The following DCX variants were observed in gnomAD, a reference collection of about 807,000 sequenced individuals.
DCX encodes the protein doublecortin.
DCX carries 4 observed loss-of-function variants against 20.9 expected under a neutral mutation model. The observed-to-expected ratio is 0.19, with a 90% CI of 0.09 to 0.44. The LOEUF (loss-of-function observed/expected upper bound fraction) is 0.44. DCX is among the 20% of genes least tolerant of loss of function. The pLI, the probability that DCX is intolerant of heterozygous loss-of-function variation, is 0.99. For synonymous variants in DCX, 103 were observed against 111.4 expected, an observed-to-expected ratio of 0.92 and a Z score of 0.47; for missense variants, 133 against 296.9, an observed-to-expected ratio of 0.45 and a Z score of 4.06.
intron 3 of DCX, among the ~76,000 whole-genome samples, chrX:111,372,339 A>G (rs1005722132): frequency 1.8e-5 from 2 of 111,943 alleles, no homozygotes; most frequent in African/African-American, 6.5e-5. Context: ...TGGTTACATC[A>G]TCGGCATCAG....
At chrX:111,373,580 G>C (rs1427972478) in intron 3 of DCX, among the ~76,000 whole-genome samples, 1 of 111,619 alleles carries the variant, frequency 9.0e-6, no homozygotes, top group Non-Finnish European at 1.9e-5. Context: ...GTGGTTCTGG[G>C]ACACATCTGT....
chrX:111,387,288 G>T (rs911598246), intron 3 of DCX, among the ~76,000 whole-genome samples: 2 of 111,688 alleles, frequency 1.8e-5, no homozygotes, highest in Non-Finnish European at 3.8e-5. Flanking sequence ...GCTTTAAAAT[G>T]TAATATTAAT....
chrX:111,316,076 T>TAATAAAA (rs1569486363), intron 5 of DCX, among the ~76,000 whole-genome samples: 2 of 38,416 alleles, frequency 5.2e-5, no homozygotes, highest in Admixed American at 2.6e-4. Flanking sequence ...ACTTAGAGTA[T>TAATAAAA]AATAAAAAAT....
At chrX:111,364,729 T>G in intron 3 of DCX, among the ~76,000 whole-genome samples, 1 of 111,745 alleles carries the variant, frequency 8.9e-6, no homozygotes. Flanking sequence ...AATGAGATAG[T>G]TTATATTTTG....
chrX:111,401,398 T>C, intron 2 of DCX, 68 bp from the exon 3 acceptor site: 4 of 932,980 alleles, frequency 4.3e-6, no homozygotes, highest in Non-Finnish European at 6.2e-6. Flanking sequence ...CTAACCAAAC[T>C]AATACACACT....
At chrX:111,396,296 C>A (rs1166960296) in intron 3 of DCX, among the ~76,000 whole-genome samples, 2 of 111,976 alleles carry the variant, frequency 1.8e-5, no homozygotes, top group Non-Finnish European at 3.8e-5. Flanking sequence ...AAGGTACAGA[C>A]AAAAACATAA....
chrX:111,344,212 T>C (rs1051923375), intron 3 of DCX, among the ~76,000 whole-genome samples: 3 of 112,086 alleles, frequency 2.7e-5, no homozygotes, highest in African/African-American at 9.7e-5. Flanking sequence ...AATCTCTCAA[T>C]AAACTAGGTA....
chrX:111,350,723 T>G (rs1263497533), intron 3 of DCX, among the ~76,000 whole-genome samples: 1 of 112,230 alleles, frequency 8.9e-6, no homozygotes, highest in African/African-American at 3.2e-5. Flanking sequence ...TTATATACAC[T>G]TCTTCCTCTC....
intron 3 of DCX, 149 bp downstream of exon 3, chrX:111,400,841 T>C: frequency 1.8e-6 from 1 of 545,170 alleles, no homozygotes. Flanking sequence ...CTGCTAAAAA[T>C]ACCTTTTCTC....
intron 2 of DCX, among the ~76,000 whole-genome samples, chrX:111,404,622 C>T (rs1928070282): frequency 8.9e-6 from 1 of 111,936 alleles, no homozygotes. Flanking sequence ...AGATAATGCA[C>T]TAGGTGACAC....
At chrX:111,341,028 G>A (rs950935445) in intron 3 of DCX, among the ~76,000 whole-genome samples, 5 of 110,981 alleles carry the variant, frequency 4.5e-5, no homozygotes, top group African/African-American at 6.6e-5. Flanking sequence ...TAAGACTGAC[G>A]AATTGACAGA....
chrX:111,382,971 G>A (rs1926101181), intron 3 of DCX, among the ~76,000 whole-genome samples: 1 of 111,269 alleles, frequency 9.0e-6, no homozygotes, highest in African/African-American at 3.3e-5. Context: ...TTGTATAGAA[G>A]GATGAATCAC....
At chrX:111,410,982 C>G (rs1269684965) in intron 1 of DCX, 3 of 1,189,557 alleles carry the variant, frequency 2.5e-6, no homozygotes, top group Non-Finnish European at 3.4e-6. Context: ...CATTTTATTC[C>G]AAGCCCTCTT....
intron 6 of DCX, among the ~76,000 whole-genome samples, chrX:111,311,092 T>A (rs983650882): frequency 2.7e-5 from 3 of 112,320 alleles, no homozygotes; most frequent in African/African-American, 9.7e-5. Context: ...ACAACAGAGG[T>A]AGACTTCCTA....
intron 1 of DCX, chrX:111,411,015 C>T (rs371800286): frequency 1.9e-5 from 21 of 1,097,386 alleles, no homozygotes; most frequent in Admixed American, 1.3e-4. Context: ...GTGTGCATCC[C>T]CTCCCCCCAG....
intron 5 of DCX, 90 bp downstream of exon 5, chrX:111,330,814 G>T: frequency 8.9e-7 from 1 of 1,123,259 alleles, no homozygotes; most frequent in Non-Finnish European, 1.2e-6. Context: ...AGACACAGTG[G>T]TGTTCATGAG....
chrX:111,345,865 G>A (rs1022998269), intron 3 of DCX, among the ~76,000 whole-genome samples: 1 of 111,575 alleles, frequency 9.0e-6, no homozygotes, highest in Non-Finnish European at 1.9e-5. Context: ...CACCAACAGC[G>A]TAAAAGCATT....
At chrX:111,338,444 G>T (rs1349692656) in intron 3 of DCX, among the ~76,000 whole-genome samples, 2 of 111,812 alleles carry the variant, frequency 1.8e-5, no homozygotes, top group African/African-American at 6.5e-5. Context: ...AAACATAACA[G>T]ATGAGGCTTT....
intron 3 of DCX, among the ~76,000 whole-genome samples, chrX:111,348,761 C>T (rs1205155610): frequency 2.7e-5 from 3 of 109,833 alleles, no homozygotes; most frequent in Non-Finnish European, 5.7e-5. Flanking sequence ...CTTGTAGGGC[C>T]CATTACAGTT....
Sources: allele counts gnomAD v4.1 joint callset (sites outside exome capture counted in the v4.1 genomes callset), GRCh38; gene constraint gnomAD v4.1.1; transcripts MANE v1.5; gene names NCBI Gene and HGNC (gene_info 2026-07-23, HGNC 2026-07-21).